The following CIMIP1 variants were observed in gnomAD, a reference collection of about 807,000 sequenced individuals.
CIMIP1 encodes low in lung cancer 1.
At chr20:58,158,478 A>C in the CIMIP1 span, among the ~76,000 whole-genome samples, 4 of 152,246 alleles carry the variant, frequency 2.6e-5, no homozygotes, top group South Asian at 8.3e-4. Context: ...GTGAAACCCC[A>C]TCTCTACTAA....
chr20:58,152,832 T>C, the CIMIP1 span, among the ~76,000 whole-genome samples: 3 of 152,240 alleles, frequency 2.0e-5, no homozygotes, highest in Admixed American at 2.0e-4. Context: ...TTGTGGCTTA[T>C]GTTACATCTT....
At chr20:58,157,475 G>T in the CIMIP1 span, among the ~76,000 whole-genome samples, 18 of 152,210 alleles carry the variant, frequency 1.2e-4, no homozygotes, top group South Asian at 3.7e-3. Context: ...ATACTTTTTA[G>T]GTATATGTTT....
the CIMIP1 span, among the ~76,000 whole-genome samples, chr20:58,159,321 G>A: frequency 2.0e-5 from 3 of 150,834 alleles, no homozygotes; most frequent in Admixed American, 6.7e-5. Flanking sequence ...TTCGAGACCA[G>A]CCTGACCAAC....
the CIMIP1 span, among the ~76,000 whole-genome samples, chr20:58,151,705 G>A: frequency 1.3e-5 from 2 of 151,938 alleles, no homozygotes; most frequent in Admixed American, 6.6e-5. Flanking sequence ...GAGTCACCGC[G>A]CCTGGCCAAA....
chr20:58,161,006 A>G, the CIMIP1 span: 1 of 564,344 alleles, frequency 1.8e-6, no homozygotes, highest in Non-Finnish European at 2.9e-6. Context: ...TCACCCTTCC[A>G]GAATGTTCAC....
the CIMIP1 span, among the ~76,000 whole-genome samples, chr20:58,154,734 T>C: frequency 6.6e-6 from 1 of 152,190 alleles, no homozygotes; most frequent in South Asian, 2.1e-4. Flanking sequence ...GCTTGAAAAA[T>C]TAAAAAGGGG....
At chr20:58,161,147 T>G in the CIMIP1 span, 3 of 187,156 alleles carry the variant, frequency 1.6e-5, no homozygotes, top group Non-Finnish European at 3.3e-5. Flanking sequence ...TCTAGGTCCT[T>G]CAATGTAGCT....
chr20:58,153,639 G>C, the CIMIP1 span: 7 of 1,543,262 alleles, frequency 4.5e-6, no homozygotes, highest in East Asian at 4.5e-5. Context: ...AATATAAATT[G>C]TATGAGCCCC....
At chr20:58,157,123 T>C in the CIMIP1 span, among the ~76,000 whole-genome samples, 2 of 152,218 alleles carry the variant, frequency 1.3e-5, no homozygotes, top group African/African-American at 4.8e-5. Flanking sequence ...TTACCCATGA[T>C]TAACATTTTG....
the CIMIP1 span, among the ~76,000 whole-genome samples, chr20:58,160,075 A>G: frequency 6.6e-6 from 1 of 152,240 alleles, no homozygotes; most frequent in Non-Finnish European, 1.5e-5. Flanking sequence ...GAAGGGGAAA[A>G]CCTGCCTAAA....
the CIMIP1 span, chr20:58,153,516 C>T: frequency 1.3e-6 from 2 of 1,591,756 alleles, no homozygotes; most frequent in Non-Finnish European, 1.7e-6. Flanking sequence ...TTCCGTGTTG[C>T]CCAGCACTCA....
chr20:58,151,168 G>T, the CIMIP1 span: 1 of 785,982 alleles, frequency 1.3e-6, no homozygotes, highest in South Asian at 1.7e-5. Context: ...GTGCGCTGAG[G>T]ATGGTCAGGG....
At chr20:58,158,791 C>T in the CIMIP1 span, among the ~76,000 whole-genome samples, 467 of 152,210 alleles carry the variant, frequency 3.1e-3, 3 homozygotes, top group African/African-American at 0.011. Context: ...GATGAGATGC[C>T]TCCCTCCCTC....
chr20:58,151,941 G>A, the CIMIP1 span, among the ~76,000 whole-genome samples: 6 of 152,100 alleles, frequency 3.9e-5, no homozygotes, highest in South Asian at 2.1e-4. Context: ...ACTCATATGG[G>A]AATTTACAGA....
At chr20:58,157,722 A>G in the CIMIP1 span, among the ~76,000 whole-genome samples, 1 of 152,238 alleles carries the variant, frequency 6.6e-6, no homozygotes, top group Admixed American at 6.5e-5. Context: ...CACCTTGTAG[A>G]CACAGAAATT....
At chr20:58,153,620 G>T in the CIMIP1 span, 1 of 1,609,686 alleles carries the variant, frequency 6.2e-7, no homozygotes, top group Non-Finnish European at 8.5e-7. Context: ...AACCCCTTTT[G>T]AGGAGGTAAA....
chr20:58,159,011 C>T, the CIMIP1 span, among the ~76,000 whole-genome samples: 1 of 152,124 alleles, frequency 6.6e-6, no homozygotes, highest in South Asian at 2.1e-4. Context: ...AGTGAATGAG[C>T]CTCCGTGGGT....
chr20:58,150,944 CG>C, the CIMIP1 span: 10 of 1,592,830 alleles, frequency 6.3e-6, no homozygotes, highest in Non-Finnish European at 8.5e-6. Flanking sequence ...GCTTGCGGGG[CG>C]CACAGAGCCC....
chr20:58,152,876 C>T, the CIMIP1 span, among the ~76,000 whole-genome samples: 1 of 152,098 alleles, frequency 6.6e-6, no homozygotes, highest in Non-Finnish European at 1.5e-5. Context: ...ATGCTCACTG[C>T]CCAGGGCAAA....
Sources: gnomAD v4.1 joint callset for allele counts (sites outside exome capture counted in the v4.1 genomes callset) on GRCh38, gnomAD v4.1.1 for gene constraint, MANE v1.5 for transcripts, NCBI Gene and HGNC (gene_info 2026-07-23, HGNC 2026-07-21) for gene names.